The following FAM184A variants were observed in gnomAD, a reference collection of about 807,000 sequenced individuals.
FAM184A encodes the protein protein FAM184A.
Under a neutral mutation model 143.8 loss-of-function variants are expected in FAM184A, and 99 were observed. The ratio of observed to expected loss-of-function variants is 0.69; its 90% CI spans 0.58 to 0.81. The LOEUF is 0.81. Among genes scored for constraint, FAM184A ranks in the 40% least tolerant of loss-of-function variants. FAM184A has a pLI of 0.00. For synonymous variants in FAM184A, 427 were observed against 446.4 expected (o/e 0.96, Z 0.55); for missense variants, 1,217 against 1,310.5 (o/e 0.93, Z 1.10).
intron 1 of FAM184A, among the ~76,000 whole-genome samples, chr6:119,098,874 C>T (rs1200919576): frequency 6.6e-6 from 1 of 152,160 alleles, no homozygotes; most frequent in East Asian, 1.9e-4. Flanking sequence ...CTTTGGGAGG[C>T]CGATGCGGGT....
chr6:118,986,466 G>A (rs1371007899), intron 9 of FAM184A, among the ~76,000 whole-genome samples: 1 of 152,174 alleles, frequency 6.6e-6, no homozygotes, highest in Admixed American at 6.5e-5. Context: ...ATGTACAGAG[G>A]GAGTGGGCAG....
chr6:119,100,016 C>T (rs1199436270), intron 1 of FAM184A, among the ~76,000 whole-genome samples: 1 of 152,082 alleles, frequency 6.6e-6, no homozygotes, highest in Admixed American at 6.6e-5. Flanking sequence ...GGGACTGAGC[C>T]CTCAACCTGT....
chr6:119,120,987 T>A (rs1045685706), intron 1 of FAM184A, among the ~76,000 whole-genome samples: 1 of 151,418 alleles, frequency 6.6e-6, no homozygotes, highest in Non-Finnish European at 1.5e-5. Context: ...TTCTTTTTTT[T>A]TTTGTAGAGA....
At position 118,976,035 on chromosome 6, in the gene FAM184A, C is replaced by T. The variant is rs370372665; in HGVS notation, c.2465G>A (p.Arg822His). The T allele has an allele frequency of 2.4e-5, 38 of 1,610,578 alleles. No individual in the cohort carries two copies. The highest frequency in any genetic ancestry group is 6.7e-5 in the East Asian group (3 of 44,722). The change falls in exon 12 of 18, where the codon CGC becomes CAC. Residue 822 changes from arginine to histidine, a missense_variant. Arg to His is a conservative substitution (Grantham distance 29, BLOSUM62 0). Transcript: ENST00000338891. ...TGCATGTTGATGGTTGAGTTCTGAG[C>T]GCAAGGAAGCTGGAATTGCAAGGCA... ...DEGKAMLASL[R>H]SELNHQHAAA...
chr6:119,080,414 A>G (rs542672141), upstream of FAM184A, among the ~76,000 whole-genome samples: 1 of 152,314 alleles, frequency 6.6e-6, no homozygotes, highest in East Asian at 1.9e-4. Context: ...ACTATGTAGC[A>G]TAGCCCAAAA....
chr6:119,026,609 G>A (rs1411774478), intron 1 of FAM184A, among the ~76,000 whole-genome samples: 1 of 152,194 alleles, frequency 6.6e-6, no homozygotes, highest in Non-Finnish European at 1.5e-5. Flanking sequence ...GATTGGACAT[G>A]CTGGGCTTTT....
At position 119,011,244 on chromosome 6, in the gene FAM184A, G is replaced by A. The variant is rs1785078944; in HGVS notation, c.1653+65C>T. 9.4e-6 allele frequency: 13 copies of A among 1,385,712 alleles called. No individual in the cohort carries two copies. The South Asian group carries it at 1.7e-4, about 18-fold the overall frequency. The allele number at this position is 1,385,712 out of a possible 1,614,324, so 85.8% of individuals were successfully genotyped here. On this transcript the variant is annotated intron_variant, in intron 6 of 17. Coordinates refer to ENST00000338891, the MANE Select transcript of FAM184A (RefSeq NM_024581.6). ...ACTGAGACTTACCTACCTATACAAT[G>A]TCACCAGAATAAGTTATTATTATTA... is the stretch of plus-strand genomic sequence containing the variant.
intron 14 of FAM184A, among the ~76,000 whole-genome samples, chr6:118,973,783 A>G (rs1783765867): frequency 6.6e-6 from 1 of 152,220 alleles, no homozygotes; most frequent in Non-Finnish European, 1.5e-5. Context: ...AGAACATTAA[A>G]TAAGAATTAG....
At chr6:119,113,238 A>G (rs1429438424) in intron 1 of FAM184A, among the ~76,000 whole-genome samples, 1 of 152,180 alleles carries the variant, frequency 6.6e-6, no homozygotes, top group Non-Finnish European at 1.5e-5. Flanking sequence ...CTGAAACATT[A>G]CAACTGTGGC....
intron 1 of FAM184A, among the ~76,000 whole-genome samples, chr6:119,036,694 C>T (rs1159752144): frequency 6.6e-6 from 1 of 152,102 alleles, no homozygotes; most frequent in Non-Finnish European, 1.5e-5. Context: ...TTTGTGAATG[C>T]TCAGTACTTT....
intron 1 of FAM184A, among the ~76,000 whole-genome samples, chr6:119,073,635 G>A (rs1422233788): frequency 1.3e-5 from 2 of 152,192 alleles, no homozygotes. Flanking sequence ...GTGTCTTCAA[G>A]GGGGAAGGGT....
intron 1 of FAM184A, among the ~76,000 whole-genome samples, chr6:119,085,097 G>A (rs941341866): frequency 1.6e-4 from 25 of 152,326 alleles, no homozygotes; most frequent in Admixed American, 5.2e-4. Flanking sequence ...TTTTCATTAT[G>A]CACATTTCTG....
intron 1 of FAM184A, among the ~76,000 whole-genome samples, chr6:119,136,812 G>A (rs1273111090): frequency 6.6e-6 from 1 of 152,206 alleles, no homozygotes; most frequent in Non-Finnish European, 1.5e-5. Flanking sequence ...CTTGGCAAGA[G>A]AAAAGTATGG....
Position 119,024,576 on chromosome 6 carries a change from T to TA in FAM184A, c.396dup (p.Lys133Ter). ...AGTTGCATGTCCTCAACTCTGTGCT[T>TA]ATAAGCTTCAAATTCTGTCAAAGCC... On this transcript the variant is annotated frameshift_variant, in exon 2 of 18. Transcript: ENST00000338891. LOFTEE classifies it high-confidence loss of function. 1 of 1,614,204 alleles carries TA rather than the reference T, an allele frequency of 6.2e-7. No homozygotes were observed. Among genetic ancestry groups the TA allele is most frequent in the East Asian group, 2.2e-5 (1 of 44,888 alleles).
Position 119,131,657 on chromosome 6 carries a change from A to G in FAM184A, c.-202+17421T>C, listed in dbSNP as rs147970495. ...TGTGCCACTATGCTAGACTAATTTA[A>G]AAAATTTTTTTTTTGTAGATACTGG... On this transcript the variant is annotated intron_variant, in intron 1 of 16. Coordinates refer to the FAM184A transcript ENST00000352896. Among the ~76,000 whole-genome samples, 738 of 151,908 alleles carry G rather than the reference A, an allele frequency of 4.9e-3. 5 individuals are homozygous for G. The highest frequency in any genetic ancestry group is 0.017 in the African/African-American group (704 of 41,376).
intron 1 of FAM184A, among the ~76,000 whole-genome samples, chr6:119,090,961 C>G (rs901726719): frequency 3.3e-5 from 5 of 152,136 alleles, no homozygotes; most frequent in Admixed American, 1.3e-4. Context: ...TCCTTACTGC[C>G]TTCATTATTT....
intron 1 of FAM184A, among the ~76,000 whole-genome samples, chr6:119,090,369 T>G (rs993296743): frequency 1.1e-4 from 16 of 152,176 alleles, no homozygotes; most frequent in African/African-American, 3.9e-4. Context: ...GTGTGTCTGG[T>G]TATTCAATGT....
At chr6:119,055,164 C>T (rs1198437110) in intron 1 of FAM184A, among the ~76,000 whole-genome samples, 1 of 152,154 alleles carries the variant, frequency 6.6e-6, no homozygotes, top group Non-Finnish European at 1.5e-5. Flanking sequence ...CCTTTTGTGT[C>T]TGGCCTCTTT....
At chr6:118,982,729 C>T (rs1185915290) in intron 9 of FAM184A, among the ~76,000 whole-genome samples, 2 of 152,148 alleles carry the variant, frequency 1.3e-5, no homozygotes, top group Non-Finnish European at 2.9e-5. Context: ...AATCGACAGA[C>T]CTCTCATACG....
Sources: gnomAD v4.1 joint callset for allele counts (sites outside exome capture counted in the v4.1 genomes callset) on GRCh38, gnomAD v4.1.1 for gene constraint, MANE v1.5 for transcripts, NCBI Gene and HGNC (gene_info 2026-07-23, HGNC 2026-07-21) for gene names.